KLHL32: variants seen among roughly 807,000 people sequenced by gnomAD.
KLHL32 encodes the protein kelch like family member 32.
Under a neutral mutation model 64.8 loss-of-function variants are expected in KLHL32, and 35 were observed. The ratio of observed to expected loss-of-function variants is 0.54; its 90% CI spans 0.41 to 0.72. The LOEUF (loss-of-function observed/expected upper bound fraction) is 0.72. Among genes scored for constraint, KLHL32 ranks in the 30% least tolerant of loss-of-function variants. The pLI, the probability that KLHL32 is intolerant of heterozygous loss-of-function variation, is 0.00. For missense variants in KLHL32, 589 were observed against 768.5 expected, an observed-to-expected ratio of 0.77 and a Z score of 2.76; for synonymous variants, 259 against 281.0, an observed-to-expected ratio of 0.92 and a Z score of 0.78.
At chr6:96,929,794 A>T (rs1562165670) in intron 1 of KLHL32, among the ~76,000 whole-genome samples, 2 of 152,224 alleles carry the variant, frequency 1.3e-5, no homozygotes, top group African/African-American at 4.8e-5. Flanking sequence ...CTATGTAGGA[A>T]AAAAAACAGT....
intron 3 of KLHL32, among the ~76,000 whole-genome samples, chr6:96,986,108 C>T (rs953936811): frequency 6.6e-6 from 1 of 152,188 alleles, no homozygotes; most frequent in African/African-American, 2.4e-5. Flanking sequence ...CCCTCAGCTG[C>T]AGGTCTTTTG....
intron 4 of KLHL32, among the ~76,000 whole-genome samples, chr6:97,046,573 T>C (rs1042832683): frequency 6.6e-6 from 1 of 152,192 alleles, no homozygotes; most frequent in African/African-American, 2.4e-5. Flanking sequence ...AGAGTAGAAG[T>C]TGATACCTCT....
At chr6:97,006,794 C>A (rs1444414530) in intron 3 of KLHL32, among the ~76,000 whole-genome samples, 1 of 151,926 alleles carries the variant, frequency 6.6e-6, no homozygotes, top group African/African-American at 2.4e-5. Context: ...GATTTTTTTT[C>A]TTTAAGAATG....
upstream of KLHL32, among the ~76,000 whole-genome samples, chr6:96,919,657 T>C (rs2127981366): frequency 6.6e-6 from 1 of 152,320 alleles, no homozygotes; most frequent in Admixed American, 6.5e-5. Flanking sequence ...GCCACTTTTA[T>C]AAATTGATTC....
intron 4 of KLHL32, among the ~76,000 whole-genome samples, chr6:97,064,111 C>T (rs1381820573): frequency 5.9e-5 from 9 of 152,064 alleles, no homozygotes; most frequent in African/African-American, 1.9e-4. Flanking sequence ...TGGAAGTTTG[C>T]GTATGAAGCT....
At chr6:97,101,275 G>A (rs1038024378) in intron 6 of KLHL32, among the ~76,000 whole-genome samples, 4 of 152,122 alleles carry the variant, frequency 2.6e-5, no homozygotes, top group South Asian at 2.1e-4. Flanking sequence ...ATTCGTGTGC[G>A]TTTCTGAAAA....
intron 10 of KLHL32, among the ~76,000 whole-genome samples, chr6:97,138,529 C>CAAAACAAAAACA (rs71012582): frequency 4.6e-5 from 7 of 151,592 alleles, no homozygotes; most frequent in African/African-American, 1.7e-4. Flanking sequence ...GACCCTGTCT[C>CAAAACAAAAACA]AAAACAAAAA....
chr6:96,902,254 T>C, the KLHL32 span, among the ~76,000 whole-genome samples: 2 of 151,254 alleles, frequency 1.3e-5, no homozygotes, highest in Admixed American at 1.3e-4. Flanking sequence ...CATCTGTTTT[T>C]GTTTTTGTTT....
At chr6:97,112,948 C>A (rs1361671789) in intron 6 of KLHL32, among the ~76,000 whole-genome samples, 2 of 151,366 alleles carry the variant, frequency 1.3e-5, no homozygotes, top group African/African-American at 4.8e-5. Context: ...TTAAGAAATT[C>A]TCTTTGCTCA....
intron 6 of KLHL32, among the ~76,000 whole-genome samples, chr6:97,105,208 GA>G (rs893126654): frequency 6.6e-6 from 1 of 152,134 alleles, no homozygotes; most frequent in Admixed American, 6.5e-5. Flanking sequence ...AATGATCACT[GA>G]ACTCTTCCCT....
intron 6 of KLHL32, among the ~76,000 whole-genome samples, chr6:97,107,080 C>A (rs1340831544): frequency 6.6e-6 from 1 of 152,150 alleles, no homozygotes; most frequent in Non-Finnish European, 1.5e-5. Flanking sequence ...ATCACGAGGT[C>A]AGGAGATCGA....
At chr6:97,069,960 A>G (rs1364332640) in intron 5 of KLHL32, among the ~76,000 whole-genome samples, 1 of 151,968 alleles carries the variant, frequency 6.6e-6, no homozygotes, top group Admixed American at 6.6e-5. Context: ...TAATTATTAA[A>G]TTAAGAGTAT....
chr6:96,966,587 T>C (rs1774483086), intron 1 of KLHL32, among the ~76,000 whole-genome samples: 1 of 152,226 alleles, frequency 6.6e-6, no homozygotes, highest in East Asian at 1.9e-4. Flanking sequence ...TGATTTTAAT[T>C]TAATTCCACT....
chr6:97,021,500 T>C (rs1251384394), intron 3 of KLHL32, among the ~76,000 whole-genome samples: 1 of 150,844 alleles, frequency 6.6e-6, no homozygotes, highest in East Asian at 1.9e-4. Context: ...CTTTTGATTC[T>C]ATTCAGGCTT....
chr6:97,118,663 C>T (rs1798063228), intron 7 of KLHL32, among the ~76,000 whole-genome samples: 1 of 140,400 alleles, frequency 7.1e-6, no homozygotes, highest in South Asian at 2.3e-4. Context: ...TGGGAACTAA[C>T]AGCAGGCATA....
intron 6 of KLHL32, among the ~76,000 whole-genome samples, chr6:97,110,266 C>A (rs1332882059): frequency 6.6e-6 from 1 of 152,128 alleles, no homozygotes; most frequent in Non-Finnish European, 1.5e-5. Context: ...AAAAATGCTA[C>A]CTTCTATAAA....
chr6:97,009,497 T>C (rs1472473428), intron 3 of KLHL32, among the ~76,000 whole-genome samples: 2 of 152,208 alleles, frequency 1.3e-5, no homozygotes, highest in Non-Finnish European at 2.9e-5. Context: ...AATAGAGCAC[T>C]TGTATAAATG....
chr6:97,026,049 GTAA>G (rs1247699046), intron 3 of KLHL32, among the ~76,000 whole-genome samples: 1 of 151,752 alleles, frequency 6.6e-6, no homozygotes, highest in South Asian at 2.1e-4. Flanking sequence ...ATCAAGATGG[GTAA>G]TATGTAAAAT....
intron 10 of KLHL32, among the ~76,000 whole-genome samples, chr6:97,134,279 C>T (rs1799755724): frequency 6.6e-6 from 1 of 152,162 alleles, no homozygotes; most frequent in Non-Finnish European, 1.5e-5. Context: ...AAGCCACACA[C>T]ACATGAAGAG....
Sources: gnomAD v4.1 joint callset for allele counts (sites outside exome capture counted in the v4.1 genomes callset) on GRCh38, gnomAD v4.1.1 for gene constraint, MANE v1.5 for transcripts, NCBI Gene and HGNC (gene_info 2026-07-23, HGNC 2026-07-21) for gene names.